The following SMAP1 variants were observed in gnomAD, a reference collection of about 807,000 sequenced individuals.
SMAP1 encodes stromal membrane-associated protein 1.
A neutral mutation model predicts 58.5 loss-of-function variants in SMAP1; 24 were observed. The observed-to-expected ratio is 0.41, with a 90% CI of 0.30 to 0.58. The LOEUF (loss-of-function observed/expected upper bound fraction) is 0.58, where lower values mean the gene tolerates loss of function less well. Ranked by LOEUF, SMAP1 falls within the 20% of genes least tolerant of loss-of-function variation. SMAP1 has a pLI of 0.29. For synonymous variants in SMAP1, 216 were observed against 196.6 expected (o/e 1.10, Z -0.82); for missense variants, 563 against 566.3 (o/e 0.99, Z 0.06).
rs530081797 is a variant in SMAP1, at chr6:70,799,375, G to A, written c.576+638G>A. On this transcript the variant is annotated intron_variant, in intron 6 of 10. Coordinates refer to ENST00000370455, the MANE Select transcript of SMAP1 (RefSeq NM_001044305.3). The stretch of plus-strand genomic sequence containing the variant: ...AGCACATGGTACTCCTAATTCAGAA[G>A]GGTTTTTTTGAAAATTATTTTAGCA... Among the ~76,000 whole-genome samples the A allele has an allele frequency of 8.5e-5, 13 of 152,210 alleles. No individual in the cohort carries two copies. In the South Asian group the frequency reaches 2.5e-3, roughly 29 times the overall value.
intron 1 of SMAP1, among the ~76,000 whole-genome samples, chr6:70,699,257 G>GTC (rs1373470136): frequency 2.0e-5 from 3 of 152,142 alleles, no homozygotes; most frequent in African/African-American, 4.8e-5. Context: ...AACAAATGGA[G>GTC]TCTCTCTCTC....
intron 6 of SMAP1, among the ~76,000 whole-genome samples, chr6:70,813,764 T>G (rs774718718): frequency 1.3e-5 from 2 of 152,138 alleles, no homozygotes; most frequent in African/African-American, 2.4e-5. Context: ...CCAGAAAATT[T>G]TTAAAATCTG....
At chr6:70,695,830 G>A (rs946456732) in intron 1 of SMAP1, among the ~76,000 whole-genome samples, 4 of 152,094 alleles carry the variant, frequency 2.6e-5, no homozygotes, top group South Asian at 2.1e-4. Context: ...CTATTTGTCC[G>A]AATAGTTTGA....
chr6:70,682,426 T>G (rs1168511380), intron 1 of SMAP1, among the ~76,000 whole-genome samples: 1 of 151,878 alleles, frequency 6.6e-6, no homozygotes, highest in East Asian at 1.9e-4. Flanking sequence ...TGACCTCAAG[T>G]GATCCACCTG....
chr6:70,765,529 G>T (rs969980939), intron 3 of SMAP1, among the ~76,000 whole-genome samples: 1 of 152,122 alleles, frequency 6.6e-6, no homozygotes, highest in Non-Finnish European at 1.5e-5. Flanking sequence ...TAGTCATAGT[G>T]GTGGTGGGTC....
In SMAP1 at chr6:70,860,795, T is replaced by C. The variant is rs925616282; in HGVS notation, c.*461T>C. 5 of 398,506 alleles carry C rather than the reference T, an allele frequency of 1.3e-5. No homozygotes were observed. Among genetic ancestry groups the C allele is most frequent in the Admixed American group, 8.8e-5 (2 of 22,794 alleles). The allele number at this position is 398,506 out of a possible 1,614,324, so 24.7% of individuals were successfully genotyped here. A position where few individuals can be genotyped will look rare whatever the true frequency, so the allele number is the denominator to read the frequency against. The stretch of plus-strand genomic sequence containing the variant: ...AAATGTCTCACTGAGCACTGTTTTC[T>C]AGTGTATCAAAATGCTCTTATTTCA... On this transcript the variant is annotated 3_prime_UTR_variant, in exon 11 of 11. Transcript: ENST00000370455.
chr6:70,834,427 T>C (rs1371029319), intron 6 of SMAP1, among the ~76,000 whole-genome samples: 1 of 152,120 alleles, frequency 6.6e-6, no homozygotes, highest in East Asian at 1.9e-4. Flanking sequence ...GAATTTTAGT[T>C]CCTGTATTCC....
At chr6:70,858,823 G>A (rs1771559726) in intron 10 of SMAP1, 1 of 152,758 alleles carries the variant, frequency 6.5e-6, no homozygotes, top group Non-Finnish European at 1.5e-5. Context: ...TGACTTTTAT[G>A]TTTAAAAAGA....
At chr6:70,808,902 CTG>C (rs35577736) in intron 6 of SMAP1, among the ~76,000 whole-genome samples, 16,138 of 144,614 alleles carry the variant, frequency 0.11, 932 homozygotes, top group Non-Finnish European at 0.14. Context: ...GGCTGTTTCC[CTG>C]TGTGTGTGTG....
chr6:70,671,089 T>G (rs1766243966), intron 1 of SMAP1, among the ~76,000 whole-genome samples: 1 of 152,204 alleles, frequency 6.6e-6, no homozygotes, highest in South Asian at 2.1e-4. Flanking sequence ...GGTGGCACTT[T>G]AGGGAGCAGT....
intron 3 of SMAP1, among the ~76,000 whole-genome samples, chr6:70,766,075 T>G (rs949550508): frequency 1.3e-5 from 2 of 152,292 alleles, no homozygotes; most frequent in East Asian, 1.9e-4. Flanking sequence ...GGACATGAAC[T>G]CATCATTTTT....
intron 1 of SMAP1, among the ~76,000 whole-genome samples, chr6:70,705,169 T>A (rs921701630): frequency 6.6e-6 from 1 of 152,210 alleles, no homozygotes; most frequent in Non-Finnish European, 1.5e-5. Context: ...CTCATCCATC[T>A]TTCCAGGCCT....
chr6:70,690,708 A>ATT (rs200774165), intron 1 of SMAP1, among the ~76,000 whole-genome samples: 24,289 of 148,858 alleles, frequency 0.16, 2,438 homozygotes, highest in Admixed American at 0.23. Flanking sequence ...ATATATATAT[A>ATT]TTTTTGAATT....
chr6:70,769,547 C>G (rs1767173898), intron 3 of SMAP1, among the ~76,000 whole-genome samples: 1 of 152,130 alleles, frequency 6.6e-6, no homozygotes, highest in Non-Finnish European at 1.5e-5. Context: ...GGTTTGAAGT[C>G]TGTTTTATCA....
intron 1 of SMAP1, among the ~76,000 whole-genome samples, chr6:70,682,951 T>C (rs996692257): frequency 6.6e-6 from 1 of 151,898 alleles, no homozygotes; most frequent in African/African-American, 2.4e-5. Flanking sequence ...GGCAGGAGAA[T>C]CACTTGAACC....
At position 70,857,887 on chromosome 6, in the gene SMAP1, GCT is replaced by G. The variant is rs71665879; in HGVS notation, c.962-32_962-31del. On this transcript the variant is annotated intron_variant, in intron 9 of 10. Transcript: ENST00000370455. Reference sequence around the variant, plus strand: ...GAGATGAGTGCAACTACACGTGATAGCTCTGTCTTCATTCATTTTCTTTTTGT... The same window carrying G: ...GAGATGAGTGCAACTACACGTGATAGCTGTCTTCATTCATTTTCTTTTTGT... 1,979 of 1,602,754 alleles carry G rather than the reference GCT, an allele frequency of 1.2e-3. 17 individuals carry two copies. The African/African-American group carries it at 0.023, about 19-fold the overall frequency.
chr6:70,698,007 C>T (rs1767481561), intron 1 of SMAP1, among the ~76,000 whole-genome samples: 1 of 152,098 alleles, frequency 6.6e-6, no homozygotes, highest in South Asian at 2.1e-4. Flanking sequence ...GAGCTTTTTA[C>T]CTTAAGATGA....
At chr6:70,805,421 T>G (rs1769079862) in intron 6 of SMAP1, among the ~76,000 whole-genome samples, 2 of 152,232 alleles carry the variant, frequency 1.3e-5, no homozygotes, top group Non-Finnish European at 2.9e-5. Flanking sequence ...TTCGAGGTTT[T>G]TAACTTCCTT....
intron 1 of SMAP1, among the ~76,000 whole-genome samples, chr6:70,682,165 C>A (rs1766736969): frequency 1.5e-5 from 2 of 136,284 alleles, no homozygotes; most frequent in African/African-American, 5.4e-5. Context: ...TTATTCTCTG[C>A]ACAGATTTTT....
Sources: gnomAD v4.1 joint callset for allele counts (sites outside exome capture counted in the v4.1 genomes callset) on GRCh38, gnomAD v4.1.1 for gene constraint, MANE v1.5 for transcripts, NCBI Gene and HGNC (gene_info 2026-07-23, HGNC 2026-07-21) for gene names.